The following PGM1 variants were observed in gnomAD, a reference collection of about 807,000 sequenced individuals.
PGM1 encodes the protein phosphoglucomutase-1.
PGM1 carries 52 observed loss-of-function variants against 55.6 expected under a neutral mutation model. The observed-to-expected ratio is 0.94, with a 90% CI of 0.75 to 1.18. The LOEUF is 1.18. Among genes scored for constraint, PGM1 ranks in the 50% most tolerant of loss-of-function variants. PGM1 has a pLI of 0.00. For missense variants in PGM1, 724 were observed against 729.3 expected, an observed-to-expected ratio of 0.99 and a Z score of 0.08; for synonymous variants, 287 against 271.7, an observed-to-expected ratio of 1.06 and a Z score of -0.55.
intron 10 of PGM1, among the ~76,000 whole-genome samples, chr1:63,654,934 GGT>G (rs1378473138): frequency 6.6e-6 from 1 of 151,270 alleles, no homozygotes; most frequent in Non-Finnish European, 1.5e-5. Context: ...ACAGTTAATA[GGT>G]TTACATGCCT....
intron 1 of PGM1, among the ~76,000 whole-genome samples, chr1:63,599,528 G>A (rs1648175610): frequency 6.6e-6 from 1 of 151,772 alleles, no homozygotes; most frequent in Non-Finnish European, 1.5e-5. Flanking sequence ...TTTTAATTAT[G>A]GTGGGGCCGG....
At chr1:63,647,256 T>TTATATATATA (rs1649670948) in intron 7 of PGM1, among the ~76,000 whole-genome samples, 3 of 51,558 alleles carry the variant, frequency 5.8e-5, no homozygotes, top group African/African-American at 1.1e-4. Flanking sequence ...AAATAAAATT[T>TTATATATATA]TACATATATA....
intron 6 of PGM1, 52 bp from the exon 7 acceptor site, chr1:63,638,633 G>A: frequency 8.4e-7 from 1 of 1,197,414 alleles, no homozygotes; most frequent in Non-Finnish European, 1.3e-6. Flanking sequence ...TCCCTCACAT[G>A]GCCACGCTAA....
rs188930154 is a variant in PGM1, at chr1:63,613,936, C to T, written c.247-15489C>T. ...CCATACATAGCCCAATGATGAGAAA[C>T]GTGAGCTTTGGCTTTAAAACTGGTG... On this transcript the variant is annotated intron_variant, in intron 1 of 10. Transcript: ENST00000371084. Among the ~76,000 whole-genome samples, 108 of 152,264 alleles carry T rather than the reference C, an allele frequency of 7.1e-4. 3 individuals are homozygous for T. The East Asian group carries it at 0.012, about 17-fold the overall frequency.
At chr1:63,614,636 C>G (rs1216948380) in intron 1 of PGM1, among the ~76,000 whole-genome samples, 3 of 152,146 alleles carry the variant, frequency 2.0e-5, no homozygotes, top group South Asian at 2.1e-4. Context: ...TTAGAGCAAG[C>G]CTTCTAACTT....
intron 1 of PGM1, among the ~76,000 whole-genome samples, chr1:63,597,369 C>T (rs1343535521): frequency 2.0e-5 from 3 of 152,088 alleles, no homozygotes; most frequent in East Asian, 1.9e-4. Flanking sequence ...ATAATACATA[C>T]CTGAAGAGCC....
chr1:63,629,733 A>C lies in PGM1; in HGVS notation c.409+146A>C, dbSNP rs1649142812. 3.2e-6 allele frequency: 3 copies of C among 943,944 alleles called. No individual in the cohort carries two copies. The East Asian group carries it at 7.7e-5, about 24-fold the overall frequency. 58.5% of individuals were successfully genotyped at this position (943,944 alleles called of 1,614,324 possible). ...TTTGCTTCCTTTCAGTGACAGTGAA[A>C]TGCTTCTCATTTGACTGTACCTGAA... On this transcript the variant is annotated intron_variant, in intron 2 of 10. Transcript: ENST00000371084.
intron 7 of PGM1, among the ~76,000 whole-genome samples, chr1:63,647,295 T>TATAGTATTAATATATAATATATTA (rs1649681883): frequency 1.3e-5 from 1 of 77,782 alleles, no homozygotes; most frequent in Admixed American, 1.3e-4. Context: ...TATATATATA[T>TATAGTATTAATATATAATATATTA]ATATATATAT....
Position 63,636,264 on chromosome 1 carries a change from T to G in PGM1, c.904T>G (p.Phe302Val). The G allele has an allele frequency of 6.2e-7, 1 of 1,614,148 alleles. No homozygotes were observed. Among genetic ancestry groups the G allele is most frequent in the Non-Finnish European group, 8.5e-7 (1 of 1,179,984 alleles). ...AAACATGATTCTGGGCAAGCATGGG[T>G]TCTTTGTGAACCCTTCAGACTCTGT... ...DRNMILGKHG[F>V]FVNPSDSVAV... The change falls in exon 6 of 11, where the codon TTC becomes GTC. Residue 302 changes from phenylalanine (F) to valine (V), a missense_variant. Transcript: ENST00000371084.
At chr1:63,633,910 GTGTGTGTGTATATATA>G (rs1166972333) in intron 4 of PGM1, among the ~76,000 whole-genome samples, 7 of 33,886 alleles carry the variant, frequency 2.1e-4, no homozygotes, top group African/African-American at 1.7e-3. Context: ...GTGTGTGTGT[GTGTGTGTGTATATATA>G]TATATATTTT....
chr1:63,640,543 GATT>G (rs1291838088), intron 7 of PGM1, among the ~76,000 whole-genome samples: 2 of 152,114 alleles, frequency 1.3e-5, no homozygotes, highest in South Asian at 2.1e-4. Flanking sequence ...CCACAATAAT[GATT>G]ATTATTATTA....
At chr1:63,654,736 A>G (rs2101003547) in intron 10 of PGM1, among the ~76,000 whole-genome samples, 1 of 152,228 alleles carries the variant, frequency 6.6e-6, no homozygotes, top group South Asian at 2.1e-4. Flanking sequence ...AGCCTGAGCA[A>G]GAGTGAGACC....
intron 8 of PGM1, among the ~76,000 whole-genome samples, chr1:63,649,398 A>T (rs2100999159): frequency 6.6e-6 from 1 of 152,296 alleles, no homozygotes; most frequent in South Asian, 2.1e-4. Context: ...ACTAATTCCA[A>T]TTTGCCTTTC....
At chr1:63,611,501 C>T (rs546295438) in intron 1 of PGM1, among the ~76,000 whole-genome samples, 113 of 152,270 alleles carry the variant, frequency 7.4e-4, no homozygotes, top group African/African-American at 2.6e-3. Context: ...TTCTTTTATA[C>T]ACAGGCCAAC....
At chr1:63,641,678 T>C (rs1322366161) in intron 7 of PGM1, among the ~76,000 whole-genome samples, 1 of 152,198 alleles carries the variant, frequency 6.6e-6, no homozygotes, top group Non-Finnish European at 1.5e-5. Flanking sequence ...TGTGGCACCA[T>C]GTACCTCTTC....
At chr1:63,619,954 C>A (rs1297344066) in intron 1 of PGM1, among the ~76,000 whole-genome samples, 1 of 152,134 alleles carries the variant, frequency 6.6e-6, no homozygotes, top group Non-Finnish European at 1.5e-5. Flanking sequence ...TTCGCAAAAA[C>A]CTTGGGAGAG....
At chr1:63,615,853 C>T (rs1648698227) in intron 1 of PGM1, among the ~76,000 whole-genome samples, 1 of 151,846 alleles carries the variant, frequency 6.6e-6, no homozygotes, top group Admixed American at 6.6e-5. Context: ...TGATGGAGGG[C>T]CAACCACTGC....
chr1:63,647,224 A>C (rs1649668651), intron 7 of PGM1, among the ~76,000 whole-genome samples: 1 of 140,164 alleles, frequency 7.1e-6, no homozygotes, highest in Non-Finnish European at 1.5e-5. Context: ...GCCTGGGCGA[A>C]AGAGCGAAAC....
chr1:63,648,796 T>A, intron 8 of PGM1, 144 bp downstream of exon 8: 1 of 897,162 alleles, frequency 1.1e-6, no homozygotes, highest in South Asian at 1.4e-5. Context: ...TTAAAAATAA[T>A]CTGGTCAGGG....
Sources: allele counts gnomAD v4.1 joint callset (sites outside exome capture counted in the v4.1 genomes callset), GRCh38; gene constraint gnomAD v4.1.1; transcripts MANE v1.5; gene names NCBI Gene and HGNC (gene_info 2026-07-23, HGNC 2026-07-21).